Variants in TOP1 observed in about 807,000 individuals in gnomAD.
The protein encoded by TOP1 is DNA topoisomerase 1.
In TOP1, 10 loss-of-function variants were observed where a neutral mutation model predicts 111.1. The ratio of observed to expected loss-of-function variants is 0.09; its 90% CI spans 0.06 to 0.15. The LOEUF (loss-of-function observed/expected upper bound fraction) is 0.15. Ranked by LOEUF, TOP1 falls within the 10% of genes least tolerant of loss-of-function variation. TOP1 has a pLI of 1.00. For missense variants in TOP1, 474 were observed against 926.7 expected, an observed-to-expected ratio of 0.51 and a Z score of 6.34; for synonymous variants, 271 against 302.9, an observed-to-expected ratio of 0.89 and a Z score of 1.10.
Position 41,077,633 on chromosome 20 carries a change from T to C in TOP1, c.331T>C (p.Ser111Pro), listed in dbSNP as rs1385283816. Residue 111 changes from serine to proline, a missense_variant, in exon 5 of 21, where the codon TCT (serine) becomes CCT (proline). Physicochemically the swap from Ser to Pro is moderately conservative, Grantham distance 74 (BLOSUM62 -1). This residue lies in a region of TOP1 where 185 missense variants were observed against 226.3 expected (regional missense o/e 0.82). Coordinates refer to ENST00000361337, the MANE Select transcript of TOP1 (RefSeq NM_003286.4). The part of the protein sequence containing the change: ...KIKKEKENGF[S>P]SPPQIKDEPE... ...AAAGAAGGAGAAGGAAAATGGCTTCTCTAGGTAAGACTTTGCTGCTGCGTG... is the reference window on the plus strand; with the variant it reads ...AAAGAAGGAGAAGGAAAATGGCTTCCCTAGGTAAGACTTTGCTGCTGCGTG... 6.2e-7 allele frequency: 1 copy of C among 1,614,148 alleles called. No individual in the cohort carries two copies. Among genetic ancestry groups the C allele is most frequent in the African/African-American group, 1.3e-5 (1 of 75,068 alleles).
chr20:41,120,196 C>A (rs1353756975), intron 18 of TOP1, among the ~76,000 whole-genome samples: 1 of 152,248 alleles, frequency 6.6e-6, no homozygotes, highest in Non-Finnish European at 1.5e-5. Context: ...CATTTCTATC[C>A]TAAAAAGAAT....
intron 13 of TOP1, among the ~76,000 whole-genome samples, chr20:41,105,271 T>A (rs1190632294): frequency 6.6e-6 from 1 of 152,218 alleles, no homozygotes; most frequent in South Asian, 2.1e-4. Context: ...GTTTACAATA[T>A]GTTGTAAACT....
In TOP1 at chr20:41,114,736, C is replaced by T. The variant is rs2034301685; in HGVS notation, c.1638+581C>T. 6.6e-6 allele frequency among the ~76,000 whole-genome samples: 1 copy of T among 152,230 alleles called. No individual in the cohort carries two copies. Among genetic ancestry groups the T allele is most frequent in the Admixed American group, 6.5e-5 (1 of 15,280 alleles). Reference sequence around the variant, plus strand: ...TTAGTCCCCAGATCTCTGAGCCCATCACTGAAGAGGGTACTATAGCTCTGT... The same window carrying T: ...TTAGTCCCCAGATCTCTGAGCCCATTACTGAAGAGGGTACTATAGCTCTGT... On this transcript the variant is annotated intron_variant, in intron 15 of 20. Coordinates refer to ENST00000361337, the MANE Select transcript of TOP1 (RefSeq NM_003286.4). This position sits in a 1 kb window ranked among gnomAD's most constrained non-coding sequence, Gnocchi z 4.5.
Position 41,028,992 on chromosome 20 carries a change from C to G in TOP1, c.-76C>G. On this transcript the variant is annotated 5_prime_UTR_variant, in exon 1 of 21. Transcript: ENST00000361337. ...TCGAGCCTCCGGAGTCCCCGTCCGCCCGCACAGGCCGGTTCGCCGTCTGCG... is the reference window on the plus strand; with the variant it reads ...TCGAGCCTCCGGAGTCCCCGTCCGCGCGCACAGGCCGGTTCGCCGTCTGCG... 1 of 1,346,200 alleles carries G rather than the reference C, an allele frequency of 7.4e-7. No homozygotes were observed. Among genetic ancestry groups the G allele is most frequent in the Non-Finnish European group, 1.0e-6 (1 of 979,066 alleles). The allele number at this position is 1,346,200 out of a possible 1,614,324, so 83.4% of individuals were successfully genotyped here.
intron 3 of TOP1, among the ~76,000 whole-genome samples, chr20:41,070,499 A>G (rs918433114): frequency 1.3e-5 from 2 of 152,234 alleles, no homozygotes; most frequent in East Asian, 3.8e-4. Context: ...AAACTGGCTC[A>G]TTTCAGAAGC....
Position 41,032,683 on chromosome 20 carries a change from T to C in TOP1, c.58+3228T>C, listed in dbSNP as rs1165244442. On this transcript the variant is annotated intron_variant, in intron 2 of 20. Transcript: ENST00000361337. The surrounding 1 kb of genome is among the most constrained non-coding windows in gnomAD (Gnocchi z 4.3). ...AAGAAGTGATATATAGGATCATGGT[T>C]TGACATCATCTTGTGCTGATTCTGG... Among the ~76,000 whole-genome samples, 3 of 152,234 alleles carry C rather than the reference T, an allele frequency of 2.0e-5. No homozygotes were observed. The East Asian group carries it at 5.8e-4, about 29-fold the overall frequency.
Position 41,115,512 on chromosome 20 carries a change from C to A in TOP1, c.1707+73C>A. The A allele has an allele frequency of 1.7e-6, 2 of 1,178,224 alleles. No homozygotes were observed. Among genetic ancestry groups the A allele is most frequent in the Non-Finnish European group, 2.5e-6 (2 of 788,232 alleles). The allele number at this position is 1,178,224 out of a possible 1,614,324, so 73.0% of individuals were successfully genotyped here. A position where few individuals can be genotyped will look rare whatever the true frequency, so the allele number is the denominator to read the frequency against. ...TCACAGTACCTAAAGGGGAGGGTTG[C>A]TGGCAGATGACTTGGGCTCTCCCTT... On this transcript the variant is annotated intron_variant, in intron 16 of 20. Coordinates refer to ENST00000361337, the MANE Select transcript of TOP1 (RefSeq NM_003286.4). The surrounding 1 kb of genome is among the most constrained non-coding windows in gnomAD (Gnocchi z 6.3).
intron 2 of TOP1, among the ~76,000 whole-genome samples, chr20:41,051,305 G>A (rs991636056): frequency 2.0e-5 from 3 of 152,102 alleles, no homozygotes; most frequent in Non-Finnish European, 2.9e-5. Context: ...AAAGGGGACT[G>A]GCTCAAAACA....
At chr20:41,068,735 C>T (rs2033637053) in intron 3 of TOP1, among the ~76,000 whole-genome samples, 1 of 152,206 alleles carries the variant, frequency 6.6e-6, no homozygotes, top group Non-Finnish European at 1.5e-5. Flanking sequence ...AAGGAATACT[C>T]TTCTAGATGC....
chr20:41,097,036 G>A lies in TOP1; in HGVS notation c.731-184G>A, dbSNP rs1242081351. Among the ~76,000 whole-genome samples, 3 of 152,228 alleles carry A rather than the reference G, an allele frequency of 2.0e-5. No individual in the cohort carries two copies. Among genetic ancestry groups the A allele is most frequent in the Non-Finnish European group, 4.4e-5 (3 of 68,040 alleles). ...CAGGTAAATATATGCTAAAGAGAAG[G>A]AGAATTTGTACAAGTAGATATAAAT... On this transcript the variant is annotated intron_variant, in intron 9 of 20. Coordinates refer to ENST00000361337, the MANE Select transcript of TOP1 (RefSeq NM_003286.4). This position sits in a 1 kb window ranked among gnomAD's most constrained non-coding sequence, Gnocchi z 4.2.
chr20:41,068,191 A>G (rs185226877), intron 3 of TOP1, among the ~76,000 whole-genome samples: 31 of 152,340 alleles, frequency 2.0e-4, no homozygotes, highest in African/African-American at 6.0e-4. Flanking sequence ...CACTGCCTTT[A>G]TCTCTCTTTG....
intron 5 of TOP1, among the ~76,000 whole-genome samples, chr20:41,077,948 A>ATTTT: frequency 7.7e-6 from 1 of 129,522 alleles, no homozygotes; most frequent in East Asian, 2.3e-4. Flanking sequence ...ACAGTGTACC[A>ATTTT]TTTTTTTTTT....
chr20:41,089,841 T>C (rs73259882), intron 8 of TOP1, among the ~76,000 whole-genome samples: 19,628 of 152,272 alleles, frequency 0.13, 1,473 homozygotes, highest in Non-Finnish European at 0.16. Flanking sequence ...TGAGTATGAA[T>C]GGTATCTCAT....
chr20:41,035,656 G>A (rs1045570943), intron 2 of TOP1, among the ~76,000 whole-genome samples: 6 of 152,148 alleles, frequency 3.9e-5, no homozygotes, highest in Non-Finnish European at 7.3e-5. Flanking sequence ...CTTAGCACAC[G>A]CTAGCAAAGA....
rs2034433340 is a variant in TOP1 at position 41,122,149 on chromosome 20, T to C, written c.2189T>C (p.Val730Ala). The change falls in exon 20 of 21, where the codon GTG becomes GCG. Residue 730 changes from valine to alanine, a missense_variant. Transcript: ENST00000361337. This position sits in a 1 kb window ranked among gnomAD's most constrained non-coding sequence, Gnocchi z 5.4. ...KLNYLDPRIT[V>A]AWCKKWGVPI... is the part of the protein sequence containing the mutation. ...AATTATCTGGACCCTAGGATCACAG[T>C]GGCTTGGTAAGTGTTGAGCCCTCCT... is the stretch of plus-strand genomic sequence containing the variant. The C allele has an allele frequency of 2.5e-6, 4 of 1,613,942 alleles. No homozygotes were observed. Among genetic ancestry groups the C allele is most frequent in the Non-Finnish European group, 3.4e-6 (4 of 1,179,976 alleles).
chr20:41,122,401 G>C lies in TOP1; in HGVS notation c.2195+246G>C, dbSNP rs1363434661. On this transcript the variant is annotated intron_variant, in intron 20 of 20. Coordinates refer to ENST00000361337, the MANE Select transcript of TOP1 (RefSeq NM_003286.4). The surrounding 1 kb of genome is among the most constrained non-coding windows in gnomAD (Gnocchi z 5.4). Reference sequence around the variant, plus strand: ...ACTGCCTTGTAGTGTATATTTTTAAGAGGCAGGTGCCATCCCTATTCCTAA... The same window carrying C: ...ACTGCCTTGTAGTGTATATTTTTAACAGGCAGGTGCCATCCCTATTCCTAA... 6.6e-6 allele frequency among the ~76,000 whole-genome samples: 1 copy of C among 152,208 alleles called. No homozygotes were observed. Among genetic ancestry groups the C allele is most frequent in the Non-Finnish European group, 1.5e-5 (1 of 68,040 alleles).
At chr20:41,055,898 A>G (rs926981037) in intron 2 of TOP1, among the ~76,000 whole-genome samples, 3 of 152,202 alleles carry the variant, frequency 2.0e-5, no homozygotes, top group Admixed American at 1.3e-4. Flanking sequence ...TCTTCTTGCC[A>G]TGCCCTCACA....
Position 41,112,080 on chromosome 20 carries a change from A to G in TOP1, c.1309-702A>G, listed in dbSNP as rs894697069. 6.6e-6 allele frequency among the ~76,000 whole-genome samples: 1 copy of G among 152,172 alleles called. No homozygotes were observed. Among genetic ancestry groups the G allele is most frequent in the Non-Finnish European group, 1.5e-5 (1 of 68,038 alleles). ...CTTCCCAGAAACATAGTTTCTCTCA[A>G]TCTCATCAAGAAATGCTTTTAAATG... On this transcript the variant is annotated intron_variant, in intron 13 of 20. Transcript: ENST00000361337. This position sits in a 1 kb window ranked among gnomAD's most constrained non-coding sequence, Gnocchi z 5.8.
chr20:41,069,876 G>C lies in TOP1; in HGVS notation c.156-6295G>C, dbSNP rs6029536. On this transcript the variant is annotated intron_variant, in intron 3 of 20. Transcript: ENST00000361337. The surrounding 1 kb of genome is among the most constrained non-coding windows in gnomAD (Gnocchi z 4.1). Reference sequence around the variant, plus strand: ...CAAAGATGGTTAAAATTTTGCTAACGGAAAGTAATGGTTAGAAAGAAAAAC... The same window carrying C: ...CAAAGATGGTTAAAATTTTGCTAACCGAAAGTAATGGTTAGAAAGAAAAAC... Among the ~76,000 whole-genome samples, 1,192 of 152,204 alleles carry C rather than the reference G, an allele frequency of 7.8e-3. 11 individuals are homozygous for C. The highest frequency in any genetic ancestry group is 0.027 in the African/African-American group (1,130 of 41,540).
Sources: allele counts gnomAD v4.1 joint callset (sites outside exome capture counted in the v4.1 genomes callset), GRCh38; gene constraint gnomAD v4.1.1; regional missense constraint gnomAD v4.1.1; non-coding constraint Gnocchi (gnomAD v3.1); transcripts MANE v1.5; gene names NCBI Gene and HGNC (gene_info 2026-07-23, HGNC 2026-07-21).